ASMTL: variants seen among roughly 807,000 people sequenced by gnomAD.
ASMTL encodes probable bifunctional dTTP/UTP pyrophosphatase/methyltransferase protein.
In ASMTL, 57 loss-of-function variants were observed where a neutral mutation model predicts 60.3. The ratio of observed to expected loss-of-function variants is 0.95; its 90% CI spans 0.76 to 1.18. ASMTL has a LOEUF of 1.18. Among genes scored for constraint, ASMTL ranks in the 50% most tolerant of loss-of-function variants. The pLI is 0.00. For missense variants in ASMTL, 981 were observed against 852.6 expected, an observed-to-expected ratio of 1.15 and a Z score of -1.88; for synonymous variants, 419 against 373.0, an observed-to-expected ratio of 1.12 and a Z score of -1.42.
Position 1,425,621 on chromosome X carries a change from C to T in ASMTL, c.964G>A (p.Ala322Thr), listed in dbSNP as rs1230286748. The change falls in exon 8 of 13, where the codon GCG becomes ACG. Residue 322 changes from alanine to threonine, a missense_variant. Ala to Thr is a moderately conservative substitution (Grantham distance 58). Transcript: ENST00000381317. ...GCGTCCACTTTGCTGGCAATATCCG[C>T]AGCCTTCTGGGGTGCTTCATCTTTT... ...LLKDEAPQKA[A>T]DIASKVDASA... The T allele has an allele frequency of 6.2e-7, 1 of 1,613,696 alleles. No homozygotes were observed. Among genetic ancestry groups the T allele is most frequent in the Non-Finnish European group, 8.5e-7 (1 of 1,179,834 alleles).
chrX:1,427,748 A>G lies in ASMTL; in HGVS notation c.883T>C (p.Phe295Leu), dbSNP rs1192305850. 6.2e-7 allele frequency: 1 copy of G among 1,610,508 alleles called. No homozygotes were observed. Among genetic ancestry groups the G allele is most frequent in the Non-Finnish European group, 8.5e-7 (1 of 1,177,792 alleles). ...GACACAGGTACCTTGGATAGCATAA[A>G]GCCCTCAATCAGCTCCAGGAGGCGT... ...PTRLLELIEG[F>L]MLSKGLLTAC... Residue 295 changes from phenylalanine (F) to leucine (L), a missense_variant, in exon 7 of 13, where the codon TTT becomes CTT. Coordinates refer to ENST00000381317, the MANE Select transcript of ASMTL (RefSeq NM_004192.4).
intron 11 of ASMTL, among the ~76,000 whole-genome samples, chrX:1,415,788 C>T (rs1190102847): frequency 6.6e-6 from 1 of 152,154 alleles, no homozygotes; most frequent in African/African-American, 2.4e-5. Flanking sequence ...TTGGAGATGC[C>T]CTCGTGTCTG....
At position 1,413,338 on chromosome X, in the gene ASMTL, G is replaced by C. The variant is rs769963822; in HGVS notation, c.1523-484C>G. Among the ~76,000 whole-genome samples, 27 of 140,798 alleles carry C rather than the reference G, an allele frequency of 1.9e-4. No homozygotes were observed. In the East Asian group the frequency reaches 4.7e-3, roughly 24 times the overall value. 92.4% of individuals were successfully genotyped at this position (140,798 alleles called of 152,430 possible). ...GATCGCGCCATCGCACTCCAGCCTG[G>C]GCGACAAGAAGGCAAGGGAGGAAAA... On this transcript the variant is annotated intron_variant, in intron 11 of 12. Coordinates refer to ENST00000381317, the MANE Select transcript of ASMTL (RefSeq NM_004192.4).
intron 8 of ASMTL, 170 bp downstream of exon 8, chrX:1,425,355 C>G: frequency 3.1e-6 from 1 of 326,038 alleles, no homozygotes; most frequent in Non-Finnish European, 4.4e-6. Context: ...TGTTCCCTCT[C>G]TGTCATTCAC....
intron 12 of ASMTL, among the ~76,000 whole-genome samples, chrX:1,411,475 T>A (rs1335449429): frequency 6.6e-6 from 1 of 152,088 alleles, no homozygotes; most frequent in African/African-American, 2.4e-5. Flanking sequence ...CCCGAACCCC[T>A]GGAGCCAGGG....
chrX:1,428,124 G>C lies in ASMTL; in HGVS notation c.510-3C>G. The C allele has an allele frequency of 1.3e-6, 2 of 1,598,606 alleles. No individual in the cohort carries two copies. The highest frequency in any genetic ancestry group is 1.7e-6 in the Non-Finnish European group (2 of 1,168,702). On this transcript the variant is annotated splice_region_variant and splice_polypyrimidine_tract_variant and intron_variant, in intron 6 of 12. Transcript: ENST00000381317. ...TCCCGTAGCCGCCAGCTTTGTCCCT[G>C]GGTGGGCAGGGGAAGGTAAGAGGTG...
chrX:1,431,042 T>C (rs2090760694), intron 6 of ASMTL, among the ~76,000 whole-genome samples: 1 of 133,026 alleles, frequency 7.5e-6, no homozygotes, highest in Non-Finnish European at 1.5e-5. Flanking sequence ...ATATTAATCA[T>C]ATTTAATACA....
At position 1,452,890 on chromosome X, in the gene ASMTL, C is replaced by A. The variant is rs2091432030; in HGVS notation, c.-50G>T. 5.8e-6 allele frequency: 8 copies of A among 1,389,758 alleles called. No individual in the cohort carries two copies. The South Asian group carries it at 6.6e-5, about 11-fold the overall frequency. The allele number at this position is 1,389,758 out of a possible 1,614,324, so 86.1% of individuals were successfully genotyped here. A position where few individuals can be genotyped will look rare whatever the true frequency, so the allele number is the denominator to read the frequency against. On this transcript the variant is annotated 5_prime_UTR_variant, in exon 1 of 13. Coordinates refer to ENST00000381317, the MANE Select transcript of ASMTL (RefSeq NM_004192.4). ...TCCGCACTTCTGAGCCCGGAGCCCG[C>A]GGTGCGCGCAGCGCGGCTGCAAAAA...
At chrX:1,442,369 G>T (rs370716564) in intron 1 of ASMTL, 52 bp from the exon 2 acceptor site, 28 of 1,606,012 alleles carry the variant, frequency 1.7e-5, no homozygotes, top group Non-Finnish European at 2.3e-5. Context: ...CCTATGAAAA[G>T]TGAATGGGAC....
chrX:1,420,787 C>A (rs1456585948), intron 9 of ASMTL, among the ~76,000 whole-genome samples: 3 of 152,154 alleles, frequency 2.0e-5, no homozygotes, highest in Non-Finnish European at 4.4e-5. Context: ...GGCAGCCTGT[C>A]CAACTCCTTC....
At chrX:1,424,467 TTCAC>T (rs1244764126) in intron 8 of ASMTL, among the ~76,000 whole-genome samples, 9 of 148,276 alleles carry the variant, frequency 6.1e-5, no homozygotes, top group South Asian at 2.2e-4. Context: ...CATCCATCCA[TTCAC>T]ACGCCCACCC....
At chrX:1,405,323 A>T (rs1569530554) in intron 12 of ASMTL, among the ~76,000 whole-genome samples, 1 of 148,872 alleles carries the variant, frequency 6.7e-6, no homozygotes, top group African/African-American at 2.5e-5. Context: ...ATGGTAGATG[A>T]TGGATCGTTA....
At chrX:1,404,170 AGATG>A (rs1325059148) in intron 12 of ASMTL, among the ~76,000 whole-genome samples, 3 of 146,428 alleles carry the variant, frequency 2.0e-5, no homozygotes, top group Admixed American at 6.8e-5. Context: ...GTACGTAGGT[AGATG>A]GATGGATAGA....
rs747634183 is a variant in ASMTL, at chrX:1,443,714, A to G, written c.94-1397T>C. 7.1e-5 allele frequency among the ~76,000 whole-genome samples: 10 copies of G among 139,952 alleles called. No individual in the cohort carries two copies. In the East Asian group the frequency reaches 1.8e-3, roughly 26 times the overall value. The allele number at this position is 139,952 out of a possible 152,430, so 91.8% of individuals were successfully genotyped here. On this transcript the variant is annotated intron_variant, in intron 1 of 12. Transcript: ENST00000381317. ...GTGGACACACACTGCCATCTTGGCC[A>G]TCGTGGACACACACCCCCATCGTGG... is the stretch of plus-strand genomic sequence containing the variant.
In ASMTL at chrX:1,442,913, G is replaced by A. The variant is rs188218765; in HGVS notation, c.94-596C>T. ...AAATGCCTCCAGTGGGGGAGCCCCT[G>A]GCTGCCACACCCTGCCAGGGTGCAG... On this transcript the variant is annotated intron_variant, in intron 1 of 12. Coordinates refer to ENST00000381317, the MANE Select transcript of ASMTL (RefSeq NM_004192.4). Among the ~76,000 whole-genome samples, 266 of 152,260 alleles carry A rather than the reference G, an allele frequency of 1.7e-3. 1 individual carries two copies. The highest frequency in any genetic ancestry group is 5.9e-3 in the African/African-American group (245 of 41,562).
chrX:1,403,662 G>T (rs1447694116), intron 12 of ASMTL, 173 bp from the exon 13 acceptor site: 8 of 620,900 alleles, frequency 1.3e-5, no homozygotes, highest in Admixed American at 5.5e-5. Flanking sequence ...GAGACTTGAT[G>T]CAGGGCGGAC....
chrX:1,416,022 C>T (rs1395927974), intron 11 of ASMTL, among the ~76,000 whole-genome samples: 1 of 142,864 alleles, frequency 7.0e-6, no homozygotes, highest in Non-Finnish European at 1.5e-5. Flanking sequence ...CACACACACA[C>T]ACGGACACAG....
chrX:1,432,407 T>A, intron 5 of ASMTL, 30 bp from the exon 6 acceptor site: 1 of 1,577,040 alleles, frequency 6.3e-7, no homozygotes, highest in Non-Finnish European at 8.7e-7. Flanking sequence ...GGGGTGAGCG[T>A]GGACGCCAGC....
rs769349930 is a variant in ASMTL, at chrX:1,425,705, A to C, written c.898-18T>G. 7 of 1,611,420 alleles carry C rather than the reference A, an allele frequency of 4.3e-6. No individual in the cohort carries two copies. The highest frequency in any genetic ancestry group is 4.2e-6 in the Non-Finnish European group (5 of 1,178,628). On this transcript the variant is annotated intron_variant, in intron 7 of 12. Transcript: ENST00000381317. Reference sequence around the variant, plus strand: ...AGCAGGCCCTGTTAAAAGCAAGTGCAGAGAGACTCATTAAGTCCCTTGTCC... The same window carrying C: ...AGCAGGCCCTGTTAAAAGCAAGTGCCGAGAGACTCATTAAGTCCCTTGTCC...
Sources: allele counts gnomAD v4.1 joint callset (sites outside exome capture counted in the v4.1 genomes callset), GRCh38; gene constraint gnomAD v4.1.1; transcripts MANE v1.5; gene names NCBI Gene and HGNC (gene_info 2026-07-23, HGNC 2026-07-21).